The following AKAP6 variants were observed in gnomAD, a reference collection of about 807,000 sequenced individuals.
The protein encoded by AKAP6 is A-kinase anchor protein 6.
In AKAP6, 58 loss-of-function variants were observed where a neutral mutation model predicts 188.5. The observed-to-expected ratio is 0.31, with a 90% CI of 0.25 to 0.38. AKAP6 has a LOEUF of 0.38. Among genes scored for constraint, AKAP6 ranks in the 10% least tolerant of loss-of-function variants. The pLI is 1.00. For synonymous variants in AKAP6, 989 were observed against 998.6 expected (o/e 0.99, Z 0.18); for missense variants, 2,710 against 2,740.0 (o/e 0.99, Z 0.24).
chr14:32,411,838 G>T (rs1289651354), intron 1 of AKAP6, among the ~76,000 whole-genome samples: 10 of 143,690 alleles, frequency 7.0e-5, no homozygotes, highest in African/African-American at 2.5e-4. Flanking sequence ...TATGGGTTTT[G>T]GGAGGGAGCA....
intron 1 of AKAP6, among the ~76,000 whole-genome samples, chr14:32,395,528 G>T (rs934969659): frequency 1.3e-5 from 2 of 151,978 alleles, no homozygotes; most frequent in Non-Finnish European, 2.9e-5. Flanking sequence ...CATAGAACTC[G>T]CCCTTATGCT....
chr14:32,547,022 A>T (rs1883231289), intron 4 of AKAP6, 23 bp downstream of exon 4: 1 of 1,564,096 alleles, frequency 6.4e-7, no homozygotes, highest in Non-Finnish European at 8.6e-7. Flanking sequence ...TCTTAACATG[A>T]ATGATTTCTC....
chr14:32,434,788 G>T (rs1890328985), intron 2 of AKAP6, among the ~76,000 whole-genome samples: 2 of 152,174 alleles, frequency 1.3e-5, no homozygotes, highest in African/African-American at 4.8e-5. Context: ...ATAGAGCCTA[G>T]AGCAGAGCAG....
chr14:32,655,508 G>C lies in AKAP6; in HGVS notation c.2731-22803G>C, dbSNP rs762051233. 2.0e-5 allele frequency among the ~76,000 whole-genome samples: 3 copies of C among 152,160 alleles called. No individual in the cohort carries two copies. The East Asian group carries it at 5.8e-4, about 29-fold the overall frequency. On this transcript the variant is annotated intron_variant, in intron 7 of 13. Coordinates refer to ENST00000280979, the MANE Select transcript of AKAP6 (RefSeq NM_004274.5). ...CTTTAAGAAGCTCATAATTTAGTTGGGAAGCTAAGACTAGCAGATAGATCT... is the reference window on the plus strand; with the variant it reads ...CTTTAAGAAGCTCATAATTTAGTTGCGAAGCTAAGACTAGCAGATAGATCT...
intron 5 of AKAP6, among the ~76,000 whole-genome samples, chr14:32,587,274 A>G (rs10483411): frequency 0.28 from 43,218 of 152,002 alleles, 7,421 homozygotes; most frequent in Middle Eastern, 0.39. Flanking sequence ...TAAGGAAATT[A>G]GTCTCTTCTC....
intron 4 of AKAP6, among the ~76,000 whole-genome samples, chr14:32,556,276 A>G (rs1883683670): frequency 6.6e-6 from 1 of 152,126 alleles, no homozygotes; most frequent in Non-Finnish European, 1.5e-5. Context: ...TGTCACATCC[A>G]TTACCCATAT....
At chr14:32,414,273 C>G (rs143381089) in intron 1 of AKAP6, among the ~76,000 whole-genome samples, 1 of 151,962 alleles carries the variant, frequency 6.6e-6, no homozygotes, top group African/African-American at 2.4e-5. Flanking sequence ...AAGTGTATAC[C>G]AGGGAGTGCT....
intron 1 of AKAP6, among the ~76,000 whole-genome samples, chr14:32,358,715 T>A (rs1253762258): frequency 3.3e-5 from 5 of 151,896 alleles, no homozygotes; most frequent in Non-Finnish European, 7.4e-5. Context: ...GGTGGGTGGG[T>A]TTCCTCAGGG....
intron 9 of AKAP6, among the ~76,000 whole-genome samples, chr14:32,710,560 G>A (rs1891003704): frequency 6.6e-6 from 1 of 152,006 alleles, no homozygotes; most frequent in Non-Finnish European, 1.5e-5. Flanking sequence ...AGCAGCCTCT[G>A]CAAGATAAAT....
At chr14:32,695,858 T>C (rs897944683) in intron 8 of AKAP6, 132 bp from the exon 9 acceptor site, 1 of 1,154,644 alleles carries the variant, frequency 8.7e-7, no homozygotes, top group South Asian at 1.7e-5. Context: ...TGTAACAACA[T>C]AGAAATTTTC....
chr14:32,824,213 A>T lies in AKAP6; in HGVS notation c.6400A>T (p.Ser2134Cys), dbSNP rs2034613983. ...CACCAATTACATAGAAGAGAAAAGCAGCACTCCATTGCCACTAGACACCAC... is the reference window on the plus strand; with the variant it reads ...CACCAATTACATAGAAGAGAAAAGCTGCACTCCATTGCCACTAGACACCAC... ...EVTNYIEEKS[S>C]TPLPLDTTDS... Residue 2134 changes from serine to cysteine, a missense_variant, in exon 13 of 14, where the codon AGC becomes TGC. Coordinates refer to ENST00000280979, the MANE Select transcript of AKAP6 (RefSeq NM_004274.5). 1.2e-6 allele frequency: 2 copies of T among 1,614,036 alleles called. No homozygotes were observed. Among genetic ancestry groups the T allele is most frequent in the South Asian group, 1.1e-5 (1 of 91,084 alleles).
chr14:32,418,893 G>A (rs1302044855), intron 1 of AKAP6, among the ~76,000 whole-genome samples: 1 of 152,170 alleles, frequency 6.6e-6, no homozygotes, highest in Non-Finnish European at 1.5e-5. Flanking sequence ...TTATAAGCTC[G>A]TACTGTCTAG....
chr14:32,623,535 CAGAG>C (rs1426471628), intron 7 of AKAP6, among the ~76,000 whole-genome samples: 1 of 152,034 alleles, frequency 6.6e-6, no homozygotes, highest in African/African-American at 2.4e-5. Context: ...TGAATATAGT[CAGAG>C]AAAGTCTCTG....
chr14:32,609,252 G>T (rs1388607256), intron 7 of AKAP6, among the ~76,000 whole-genome samples: 3 of 152,086 alleles, frequency 2.0e-5, no homozygotes, highest in Non-Finnish European at 4.4e-5. Flanking sequence ...TAGTCAAATG[G>T]CATTGAGTTG....
At chr14:32,565,857 A>G (rs1323937863) in intron 4 of AKAP6, among the ~76,000 whole-genome samples, 2 of 152,208 alleles carry the variant, frequency 1.3e-5, no homozygotes, top group Non-Finnish European at 2.9e-5. Context: ...CATTTTAGGA[A>G]TGCCATTCTC....
At chr14:32,472,434 T>C (rs922009422) in intron 2 of AKAP6, among the ~76,000 whole-genome samples, 4 of 152,282 alleles carry the variant, frequency 2.6e-5, no homozygotes, top group African/African-American at 7.2e-5. Flanking sequence ...CCGCATTCAA[T>C]AGAAGTGTTT....
chr14:32,502,527 A>C (rs957673170), intron 2 of AKAP6, among the ~76,000 whole-genome samples: 15 of 152,146 alleles, frequency 9.9e-5, no homozygotes, highest in African/African-American at 2.9e-4. Context: ...ATATACAGTG[A>C]AAACGCCACC....
chr14:32,360,727 G>GTA (rs1296952538), intron 1 of AKAP6, among the ~76,000 whole-genome samples: 4 of 150,908 alleles, frequency 2.7e-5, no homozygotes, highest in African/African-American at 9.8e-5. Flanking sequence ...GTGTGTGTGT[G>GTA]TGTGTGTGTG....
At chr14:32,788,726 G>T (rs947173455) in intron 12 of AKAP6, among the ~76,000 whole-genome samples, 2 of 152,164 alleles carry the variant, frequency 1.3e-5, no homozygotes, top group Non-Finnish European at 2.9e-5. Flanking sequence ...GAGCTGTGTG[G>T]CGTCTCAGCA....
Sources: gnomAD v4.1 joint callset for allele counts (sites outside exome capture counted in the v4.1 genomes callset) on GRCh38, gnomAD v4.1.1 for gene constraint, MANE v1.5 for transcripts, NCBI Gene and HGNC (gene_info 2026-07-23, HGNC 2026-07-21) for gene names.